Variants in C2CD3 observed in about 807,000 individuals in gnomAD.
C2CD3 encodes the protein C2 domain containing 3 centriole elongation regulator.
Under a neutral mutation model 234.0 loss-of-function variants are expected in C2CD3, and 148 were observed. The observed-to-expected ratio is 0.63, with a 90% CI of 0.55 to 0.72. The LOEUF (loss-of-function observed/expected upper bound fraction) is 0.72. Among genes scored for constraint, C2CD3 ranks in the 30% least tolerant of loss-of-function variants. C2CD3 has a pLI of 0.00. For missense variants in C2CD3, 2,577 were observed against 2,811.5 expected (o/e 0.92, Z 1.89); for synonymous variants, 1,000 against 1,035.4 (o/e 0.97, Z 0.66).
intron 28 of C2CD3, among the ~76,000 whole-genome samples, chr11:74,042,491 G>A (rs1001068392): frequency 1.3e-5 from 2 of 152,044 alleles, no homozygotes; most frequent in Non-Finnish European, 2.9e-5. Context: ...GGTGACTCAC[G>A]CCTGTAATCC....
At chr11:74,039,407 A>C (rs1386025518) in intron 29 of C2CD3, among the ~76,000 whole-genome samples, 1 of 152,216 alleles carries the variant, frequency 6.6e-6, no homozygotes, top group African/African-American at 2.4e-5. Context: ...CATTTGGTAA[A>C]GAATTCCTCT....
chr11:74,017,128 CCT>C (rs1951909522), intron 32 of C2CD3, among the ~76,000 whole-genome samples: 1 of 152,082 alleles, frequency 6.6e-6, no homozygotes, highest in South Asian at 2.1e-4. Context: ...CCAAGACAAA[CCT>C]ATTACTAGAA....
chr11:74,070,391 T>G (rs553471579), intron 24 of C2CD3: 2 of 152,266 alleles, frequency 1.3e-5, no homozygotes, highest in African/African-American at 4.8e-5. Context: ...AAGGAACCAC[T>G]CATTTCCTTC....
In C2CD3 at chr11:74,118,335, G is replaced by C; in HGVS notation, c.1413C>G (p.Ile471Met). Residue 471 changes from isoleucine to methionine, a missense_variant, in exon 9 of 33, where the codon ATC becomes ATG. By Grantham distance (10) the Ile-to-Met change is conservative. Transcript: ENST00000334126. ...ISDFLSEEDD[I>M]VPSKKISQST... ...ACTGGCTTATTTTTTTAGAAGGGAC[G>C]ATATCATCCTCTTCACTGAGGAAAT... 6.2e-7 allele frequency: 1 copy of C among 1,612,088 alleles called. No homozygotes were observed. Among genetic ancestry groups the C allele is most frequent in the South Asian group, 1.1e-5 (1 of 91,022 alleles).
Position 74,033,453 on chromosome 11 carries a change from CTCTGGGAGGCTAG to C in C2CD3, c.6694_6706del (p.Leu2232AlafsTer21). 6.5e-7 allele frequency: 1 copy of C among 1,536,164 alleles called. No individual in the cohort carries two copies. Among genetic ancestry groups the C allele is most frequent in the East Asian group, 2.4e-5 (1 of 40,920 alleles). On this transcript the variant is annotated frameshift_variant, in exon 31 of 33. Coordinates refer to ENST00000334126, the MANE Select transcript of C2CD3 (RefSeq NM_001286577.2). LOFTEE classifies it high-confidence loss of function. ...TGGTCCCTTATGGTTTTCCCTTCTGCTCTGGGAGGCTAGATTTAGCGGCAACTTCTTGAAGCTA... is the reference window on the plus strand; with the variant it reads ...TGGTCCCTTATGGTTTTCCCTTCTGCATTTAGCGGCAACTTCTTGAAGCTA...
Position 74,136,508 on chromosome 11 carries a change from T to A in C2CD3, c.955+2212A>T, listed in dbSNP as rs1415402530. 2.0e-5 allele frequency among the ~76,000 whole-genome samples: 3 copies of A among 152,286 alleles called. No homozygotes were observed. The East Asian group carries it at 5.8e-4, about 29-fold the overall frequency. ...TTTACCTTAAAGTCTGAGACAGTAA[T>A]AAATGAGAGCTGCCCCCTTTGATAG... On this transcript the variant is annotated intron_variant, in intron 5 of 32. Coordinates refer to ENST00000334126, the MANE Select transcript of C2CD3 (RefSeq NM_001286577.2).
intron 26 of C2CD3, among the ~76,000 whole-genome samples, chr11:74,052,618 A>C (rs978547595): frequency 1.3e-5 from 2 of 152,252 alleles, no homozygotes; most frequent in Admixed American, 6.5e-5. Flanking sequence ...GGTGGAGCCC[A>C]GCTAAATACA....
chr11:74,015,917 GA>G (rs572858351), intron 32 of C2CD3, among the ~76,000 whole-genome samples: 10,074 of 149,014 alleles, frequency 0.068, 393 homozygotes, highest in Middle Eastern at 0.12. Flanking sequence ...AAAAAAAAAG[GA>G]AAAAAAAAAT....
intron 22 of C2CD3, among the ~76,000 whole-genome samples, chr11:74,084,441 A>G (rs555450475): frequency 1.4e-4 from 21 of 152,012 alleles, no homozygotes; most frequent in Non-Finnish European, 1.6e-4. Context: ...ATAAAAAAAA[A>G]AAAAAGAAAA....
intron 1 of C2CD3, 88 bp downstream of exon 1, chr11:74,170,650 T>G: frequency 6.8e-7 from 1 of 1,474,400 alleles, no homozygotes; most frequent in Non-Finnish European, 9.5e-7. Context: ...CTTTTCTTGT[T>G]TATCCAGCGG....
At position 74,170,819 on chromosome 11, in the gene C2CD3, C is replaced by G; in HGVS notation, c.-27G>C. On this transcript the variant is annotated 5_prime_UTR_variant, in exon 1 of 33. Coordinates refer to ENST00000334126, the MANE Select transcript of C2CD3 (RefSeq NM_001286577.2). ...ATGAGCCCGAGCTCTTCTTCACCAG[C>G]TCAACTCCGTCTCCAGCACCTAAGC... 6.2e-7 allele frequency: 1 copy of G among 1,614,100 alleles called. No homozygotes were observed. Among genetic ancestry groups the G allele is most frequent in the Non-Finnish European group, 8.5e-7 (1 of 1,179,978 alleles).
At position 74,103,112 on chromosome 11, in the gene C2CD3, A is replaced by G; in HGVS notation, c.2580+19T>C. On this transcript the variant is annotated intron_variant, in intron 14 of 32. Transcript: ENST00000334126. ...TCACCCCTATATTCCTCTAATGGATATGGAATGTACAAAGTTACCTGAGAA... is the reference window on the plus strand; with the variant it reads ...TCACCCCTATATTCCTCTAATGGATGTGGAATGTACAAAGTTACCTGAGAA... 1 of 1,596,334 alleles carries G rather than the reference A, an allele frequency of 6.3e-7. No homozygotes were observed. The highest frequency in any genetic ancestry group is 8.5e-7 in the Non-Finnish European group (1 of 1,169,762).
At chr11:74,084,361 G>A (rs1384173660) in intron 22 of C2CD3, among the ~76,000 whole-genome samples, 2 of 151,560 alleles carry the variant, frequency 1.3e-5, no homozygotes, top group Admixed American at 6.6e-5. Flanking sequence ...GTTAATGGGT[G>A]CCATGGCACA....
At chr11:74,070,123 C>T (rs183238966) in intron 24 of C2CD3, among the ~76,000 whole-genome samples, 2 of 152,308 alleles carry the variant, frequency 1.3e-5, no homozygotes, top group Admixed American at 1.3e-4. Flanking sequence ...TTATTTGTCT[C>T]ATTTGTAAAA....
At chr11:74,031,946 C>T (rs1591290519) in intron 31 of C2CD3, among the ~76,000 whole-genome samples, 3 of 152,340 alleles carry the variant, frequency 2.0e-5, no homozygotes, top group East Asian at 3.9e-4. Context: ...AGCCCACTCT[C>T]CCACCCCTAG....
chr11:74,074,981 G>A (rs1029107360), intron 23 of C2CD3, among the ~76,000 whole-genome samples: 7 of 152,166 alleles, frequency 4.6e-5, no homozygotes, highest in Non-Finnish European at 1.0e-4. Context: ...CTACTCAGGA[G>A]GCTAAGGTGG....
At chr11:74,164,444 T>C (rs1856676237) in intron 2 of C2CD3, among the ~76,000 whole-genome samples, 1 of 152,214 alleles carries the variant, frequency 6.6e-6, no homozygotes, top group Non-Finnish European at 1.5e-5. Context: ...TATAATACAA[T>C]AGAAGTATCA....
At chr11:74,109,387 C>T in intron 11 of C2CD3, 1 of 409,058 alleles carries the variant, frequency 2.4e-6, no homozygotes. Flanking sequence ...CTCCGCTTTG[C>T]CATGAGAAAT....
intron 20 of C2CD3, among the ~76,000 whole-genome samples, chr11:74,088,425 T>C (rs905952631): frequency 6.6e-6 from 1 of 152,214 alleles, no homozygotes; most frequent in Non-Finnish European, 1.5e-5. Context: ...CCATGCATTG[T>C]CTCACATCCT....
Sources: gnomAD v4.1 joint callset for allele counts (sites outside exome capture counted in the v4.1 genomes callset) on GRCh38, gnomAD v4.1.1 for gene constraint, MANE v1.5 for transcripts, NCBI Gene and HGNC (gene_info 2026-07-23, HGNC 2026-07-21) for gene names.